The following ADCY5 variants were observed in gnomAD, a reference collection of about 807,000 sequenced individuals.
ADCY5 encodes the protein adenylate cyclase 5.
In ADCY5, 30 loss-of-function variants were observed where a neutral mutation model predicts 119.7. That is an observed-to-expected ratio of 0.25 (90% CI 0.19 to 0.34). ADCY5 has a LOEUF of 0.34. ADCY5 is among the 10% of genes least tolerant of loss of function. The probability of loss-of-function intolerance (pLI) is 1.00; values close to 1 mark genes in which losing one functional copy is unlikely to be tolerated. For synonymous variants in ADCY5, 753 were observed against 762.2 expected (o/e 0.99, Z 0.20); for missense variants, 1,324 against 1,775.2 (o/e 0.75, Z 4.57).
chr3:123,344,943 C>A (rs974609965), intron 3 of ADCY5, among the ~76,000 whole-genome samples: 1 of 152,222 alleles, frequency 6.6e-6, no homozygotes, highest in Non-Finnish European at 1.5e-5. Flanking sequence ...ATTATAGCAT[C>A]TTGATTTTTC....
intron 1 of ADCY5, among the ~76,000 whole-genome samples, chr3:123,398,577 C>A (rs994068383): frequency 4.6e-5 from 7 of 152,190 alleles, no homozygotes; most frequent in African/African-American, 1.7e-4. Flanking sequence ...TCAGCTCAAG[C>A]GCCTAAAATA....
chr3:123,291,442 C>T (rs1265936445), intron 17 of ADCY5, 66 bp from the exon 18 acceptor site: 2 of 1,548,440 alleles, frequency 1.3e-6, no homozygotes, highest in South Asian at 1.2e-5. Flanking sequence ...CCCTCCACCT[C>T]CTCCTCTCCG....
At chr3:123,444,158 G>A (rs1224286296) in intron 1 of ADCY5, among the ~76,000 whole-genome samples, 3 of 152,210 alleles carry the variant, frequency 2.0e-5, no homozygotes, top group Non-Finnish European at 4.4e-5. Context: ...AGTGAGGAAT[G>A]TGTTTGGCAG....
At chr3:123,302,239 G>A (rs1157346231) in intron 14 of ADCY5, among the ~76,000 whole-genome samples, 1 of 152,258 alleles carries the variant, frequency 6.6e-6, no homozygotes, top group African/African-American at 2.4e-5. Context: ...ACTGCTTCCT[G>A]GCAAACGCAG....
chr3:123,345,340 G>T (rs554768292), intron 3 of ADCY5, among the ~76,000 whole-genome samples: 1 of 152,396 alleles, frequency 6.6e-6, no homozygotes, highest in African/African-American at 2.4e-5. Flanking sequence ...CTGGGAAGCT[G>T]TGCTGGAGGT....
chr3:123,353,437 A>G (rs1942917403), intron 1 of ADCY5, among the ~76,000 whole-genome samples: 1 of 152,174 alleles, frequency 6.6e-6, no homozygotes, highest in African/African-American at 2.4e-5. Context: ...GCTCCTGGAT[A>G]TCTGAGTACA....
chr3:123,307,193 C>T (rs1480169147), intron 12 of ADCY5, among the ~76,000 whole-genome samples: 1 of 152,104 alleles, frequency 6.6e-6, no homozygotes, highest in East Asian at 1.9e-4. Flanking sequence ...ATACTAAAAA[C>T]TAGTGTATTA....
At chr3:123,332,917 GCTAA>G (rs1237033634) in intron 3 of ADCY5, among the ~76,000 whole-genome samples, 3 of 151,254 alleles carry the variant, frequency 2.0e-5, no homozygotes, top group Non-Finnish European at 4.4e-5. Flanking sequence ...ACCCTACCTG[GCTAA>G]CTTTTTTTTT....
intron 1 of ADCY5, among the ~76,000 whole-genome samples, chr3:123,402,808 G>A (rs557376024): frequency 2.2e-4 from 33 of 147,060 alleles, no homozygotes; most frequent in Middle Eastern, 4.0e-3. Flanking sequence ...AGCCGAGATC[G>A]CGCCACTGCA....
chr3:123,319,218 G>A (rs1225206144), intron 10 of ADCY5, among the ~76,000 whole-genome samples: 1 of 151,966 alleles, frequency 6.6e-6, no homozygotes, highest in Non-Finnish European at 1.5e-5. Flanking sequence ...GCTGGGAGTG[G>A]TGGCGGGCGC....
intron 11 of ADCY5, among the ~76,000 whole-genome samples, chr3:123,316,063 G>A (rs542580637): frequency 1.3e-5 from 2 of 152,272 alleles, no homozygotes; most frequent in South Asian, 4.1e-4. Flanking sequence ...ACAAATGTAA[G>A]GGGGATATTT....
chr3:123,362,681 GAC>G (rs1207722889), intron 1 of ADCY5, among the ~76,000 whole-genome samples: 1 of 152,174 alleles, frequency 6.6e-6, no homozygotes, highest in Non-Finnish European at 1.5e-5. Context: ...GGGGAAGTCA[GAC>G]AAGGCACGGA....
chr3:123,433,849 T>C (rs1238019842), intron 1 of ADCY5, among the ~76,000 whole-genome samples: 4 of 152,172 alleles, frequency 2.6e-5, no homozygotes, highest in African/African-American at 9.7e-5. Flanking sequence ...TCACTTCTGA[T>C]ACCTCTTCTG....
intron 4 of ADCY5, among the ~76,000 whole-genome samples, chr3:123,331,668 A>G (rs566147054): frequency 3.0e-4 from 45 of 152,274 alleles, no homozygotes; most frequent in Admixed American, 1.8e-3. Context: ...TTGCGATAGA[A>G]TATCAGTAAT....
intron 1 of ADCY5, among the ~76,000 whole-genome samples, chr3:123,380,894 C>T (rs142236149): frequency 1.3e-3 from 194 of 152,282 alleles, no homozygotes; most frequent in African/African-American, 4.1e-3. Context: ...TAGGAACTGA[C>T]GCTTATCAGG....
chr3:123,332,069 C>A (rs1269083676), intron 4 of ADCY5, among the ~76,000 whole-genome samples: 1 of 152,238 alleles, frequency 6.6e-6, no homozygotes, highest in Non-Finnish European at 1.5e-5. Flanking sequence ...TGGAGTGTTA[C>A]TTCCAATTTA....
chr3:123,304,085 C>T lies in ADCY5; in HGVS notation c.2541G>A (p.Leu847=), dbSNP rs1165917802. ...VGVFTITLVF[L]AAFVNMFTCN... is the part of the protein sequence containing the mutation. Reference sequence around the variant, plus strand: ...CACCCACCATGTTGACAAAAGCCGCCAGGAACACCAGGGTGATGGTGAACA... The same window carrying T: ...CACCCACCATGTTGACAAAAGCCGCTAGGAACACCAGGGTGATGGTGAACA... The change falls in exon 13 of 21, where the codon CTG becomes CTA. Residue 847 remains leucine, a synonymous_variant. Coordinates refer to ENST00000462833, the MANE Select transcript of ADCY5 (RefSeq NM_183357.3). The T allele has an allele frequency of 1.9e-6, 3 of 1,613,040 alleles. No individual in the cohort carries two copies. The highest frequency in any genetic ancestry group is 3.3e-5 in the Admixed American group (2 of 59,946).
intron 2 of ADCY5, among the ~76,000 whole-genome samples, chr3:123,348,235 C>T (rs1942667869): frequency 6.6e-6 from 1 of 152,094 alleles, no homozygotes; most frequent in Admixed American, 6.6e-5. Flanking sequence ...CCCTGAGACT[C>T]TGCGTGACCT....
chr3:123,405,162 G>A (rs538425455), intron 1 of ADCY5, among the ~76,000 whole-genome samples: 23 of 152,348 alleles, frequency 1.5e-4, no homozygotes, highest in African/African-American at 4.6e-4. Context: ...GCAGCTCAGC[G>A]AAGGCCGGCG....
Sources: gnomAD v4.1 joint callset for allele counts (sites outside exome capture counted in the v4.1 genomes callset) on GRCh38, gnomAD v4.1.1 for gene constraint, MANE v1.5 for transcripts, NCBI Gene and HGNC (gene_info 2026-07-23, HGNC 2026-07-21) for gene names.